DEFB1: variants seen among roughly 807,000 people sequenced by gnomAD.
DEFB1 encodes beta-defensin 1.
A neutral mutation model predicts 2.6 loss-of-function variants in DEFB1; 4 were observed. The observed-to-expected ratio is 1.53, with a 90% CI of 0.76 to 3.51. The LOEUF (loss-of-function observed/expected upper bound fraction) is 3.51. Among genes scored for constraint, DEFB1 ranks in the 30% most tolerant of loss-of-function variants. The pLI, the probability that DEFB1 is intolerant of heterozygous loss-of-function variation, is 0.01. For synonymous variants in DEFB1, 56 were observed against 28.5 expected (o/e 1.96, Z -3.07); for missense variants, 162 against 76.9 (o/e 2.11, Z -4.14).
chr8:6,877,849 A>G lies in DEFB1; in HGVS notation c.9T>C (p.Thr3=). Residue 3 remains threonine (T), a synonymous_variant, in exon 1 of 2, where the codon ACT becomes ACC. Transcript: ENST00000297439. MR[T]SYLLLFTLCL... ...AGAGAGTAAACAGCAGAAGGTAGGAAGTTCTCATGGCGACTGGCAGGCAAC... is the reference window on the plus strand; with the variant it reads ...AGAGAGTAAACAGCAGAAGGTAGGAGGTTCTCATGGCGACTGGCAGGCAAC... The G allele has an allele frequency of 2.5e-6, 4 of 1,614,018 alleles. No homozygotes were observed. The highest frequency in any genetic ancestry group is 3.4e-6 in the Non-Finnish European group (4 of 1,179,918).
chr8:6,870,702 C>G lies in DEFB1; in HGVS notation c.186G>C (p.Gly62=), dbSNP rs779725983. The G allele has an allele frequency of 2.2e-5, 35 of 1,614,062 alleles. No individual in the cohort carries two copies. Among genetic ancestry groups the G allele is most frequent in the Non-Finnish European group, 3.0e-5 (35 of 1,180,040 alleles). Residue 62 remains glycine, a synonymous_variant, in exon 2 of 2, where the codon GGG becomes GGC. Transcript: ENST00000297439. ...FTKIQGTCYR[G]KAKCCK ...CAGCTCACTTGCAGCACTTGGCCTT[C>G]CCTCTGTAACAGGTGCCTTGAATTT...
intron 1 of DEFB1, among the ~76,000 whole-genome samples, chr8:6,875,024 T>TG (rs1439737138): frequency 4.1e-5 from 6 of 146,778 alleles, no homozygotes; most frequent in Admixed American, 1.4e-4. Context: ...ATATTCATAT[T>TG]GGGGAAAAAA....
Position 6,870,825 on chromosome 8 carries a change from A to C in DEFB1, c.63T>G (p.Gly21=). 1.2e-6 allele frequency: 2 copies of C among 1,611,434 alleles called. No individual in the cohort carries two copies. The highest frequency in any genetic ancestry group is 1.7e-6 in the Non-Finnish European group (2 of 1,179,000). Residue 21 remains glycine (G), a splice_region_variant and synonymous_variant, in exon 2 of 2, where the codon GGT becomes GGG. Coordinates refer to ENST00000297439, the MANE Select transcript of DEFB1 (RefSeq NM_005218.4). ...GGCCAAGGCCTGTGAGAAAGTTACC[A>C]CCTGTAAGGAGGGAACACAAACACT... is the stretch of plus-strand genomic sequence containing the variant. The part of the protein sequence containing the change: ...LCLLLSEMAS[G]GNFLTGLGHR...
intron 1 of DEFB1, among the ~76,000 whole-genome samples, chr8:6,875,762 C>T (rs949721213): frequency 1.3e-5 from 2 of 152,150 alleles, no homozygotes; most frequent in Non-Finnish European, 2.9e-5. Context: ...TGCAACTTTT[C>T]AGCATGTAGA....
intron 1 of DEFB1, among the ~76,000 whole-genome samples, chr8:6,872,099 C>G (rs375883252): frequency 1.3e-5 from 2 of 152,160 alleles, no homozygotes; most frequent in African/African-American, 4.8e-5. Context: ...TCATTGTCCT[C>G]AATGCCTGGT....
intron 1 of DEFB1, among the ~76,000 whole-genome samples, chr8:6,876,087 G>A (rs1001497648): frequency 6.6e-6 from 1 of 152,130 alleles, no homozygotes; most frequent in African/African-American, 2.4e-5. Context: ...CTGCTACTCA[G>A]TAAAAACATA....
chr8:6,877,313 G>T (rs186917773), intron 1 of DEFB1, among the ~76,000 whole-genome samples: 1 of 152,194 alleles, frequency 6.6e-6, no homozygotes, highest in Admixed American at 6.5e-5. Context: ...GGAGAGGACC[G>T]CCTGCCTGCA....
At chr8:6,871,678 A>G (rs1394853202) in intron 1 of DEFB1, among the ~76,000 whole-genome samples, 2 of 152,216 alleles carry the variant, frequency 1.3e-5, no homozygotes, top group East Asian at 3.8e-4. Context: ...GCTCTGATCC[A>G]TAAGACTTGC....
At chr8:6,875,046 C>T (rs1254530099) in intron 1 of DEFB1, among the ~76,000 whole-genome samples, 10 of 139,130 alleles carry the variant, frequency 7.2e-5, no homozygotes, top group Admixed American at 6.5e-4. Context: ...GTAACTTGAC[C>T]GTTACTTCAT....
Position 6,877,846 on chromosome 8 carries a change from G to C in DEFB1, c.12C>G (p.Ser4=), listed in dbSNP as rs143580046. MRT[S]YLLLFTLCLL... ...AGCAGAGAGTAAACAGCAGAAGGTA[G>C]GAAGTTCTCATGGCGACTGGCAGGC... The change falls in exon 1 of 2, where the codon TCC becomes TCG. Residue 4 remains serine, a synonymous_variant. Transcript: ENST00000297439. The C allele has an allele frequency of 6.2e-7, 1 of 1,614,058 alleles. No individual in the cohort carries two copies. Among genetic ancestry groups the C allele is most frequent in the Non-Finnish European group, 8.5e-7 (1 of 1,179,950 alleles).
rs34773650 is a variant in DEFB1 at position 6,874,981 on chromosome 8, CAA to C, written c.61+2814_61+2815del. 9.8e-3 allele frequency among the ~76,000 whole-genome samples: 1,368 copies of C among 138,910 alleles called. 30 individuals are homozygous for C. Among genetic ancestry groups the C allele is most frequent in the African/African-American group, 0.034 (1,257 of 37,026 alleles). The allele number at this position is 138,910 out of a possible 152,430, so 91.1% of individuals were successfully genotyped here. Reference sequence around the variant, plus strand: ...TGGGTGACAGAGCGAGACTCAGTCTCAAAAAAAAAAAAAGTTGGTTCTGGACA... The same window carrying C: ...TGGGTGACAGAGCGAGACTCAGTCTCAAAAAAAAAAAGTTGGTTCTGGACA... On this transcript the variant is annotated intron_variant, in intron 1 of 1. Coordinates refer to ENST00000297439, the MANE Select transcript of DEFB1 (RefSeq NM_005218.4).
At chr8:6,873,642 G>C (rs552224547) in intron 1 of DEFB1, among the ~76,000 whole-genome samples, 1 of 152,128 alleles carries the variant, frequency 6.6e-6, no homozygotes, top group African/African-American at 2.4e-5. Flanking sequence ...GTTATAAGTG[G>C]GGGCTAAACA....
intron 1 of DEFB1, among the ~76,000 whole-genome samples, chr8:6,877,514 C>A (rs1386732545): frequency 1.3e-5 from 2 of 152,226 alleles, no homozygotes; most frequent in Non-Finnish European, 2.9e-5. Context: ...GCAATCTCAT[C>A]CACATAGGAT....
At chr8:6,870,895 G>C in intron 1 of DEFB1, 69 bp from the exon 2 acceptor site, 3 of 1,513,254 alleles carry the variant, frequency 2.0e-6, no homozygotes, top group Non-Finnish European at 2.7e-6. Flanking sequence ...AACATCTCGC[G>C]AAAGCAGAAC....
At chr8:6,875,359 T>C (rs187566955) in intron 1 of DEFB1, among the ~76,000 whole-genome samples, 1 of 152,244 alleles carries the variant, frequency 6.6e-6, no homozygotes, top group African/African-American at 2.4e-5. Flanking sequence ...GAGAAGATAT[T>C]TGTGATGTAT....
chr8:6,875,064 CCACACACACACACACACACACACACA>C (rs61101914), intron 1 of DEFB1, among the ~76,000 whole-genome samples: 1 of 135,636 alleles, frequency 7.4e-6, no homozygotes, highest in Non-Finnish European at 1.6e-5. Context: ...CATACCGAAG[CCACACACACACACACACACACACACA>C]CACACACACA....
At chr8:6,874,153 A>ACACACACG (rs1242593555) in intron 1 of DEFB1, among the ~76,000 whole-genome samples, 57 of 142,068 alleles carry the variant, frequency 4.0e-4, no homozygotes, top group African/African-American at 1.4e-3. Flanking sequence ...ACACGCACAC[A>ACACACACG]CACGCACATG....
At chr8:6,872,124 C>T (rs1168343999) in intron 1 of DEFB1, among the ~76,000 whole-genome samples, 1 of 152,136 alleles carries the variant, frequency 6.6e-6, no homozygotes, top group African/African-American at 2.4e-5. Flanking sequence ...GGTCCCTTCC[C>T]AAACCTCTTC....
At chr8:6,874,153 A>ACACACACACG (rs1242593555) in intron 1 of DEFB1, among the ~76,000 whole-genome samples, 2 of 141,934 alleles carry the variant, frequency 1.4e-5, no homozygotes, top group African/African-American at 5.1e-5. Flanking sequence ...ACACGCACAC[A>ACACACACACG]CACGCACATG....
Sources: allele counts gnomAD v4.1 joint callset (sites outside exome capture counted in the v4.1 genomes callset), GRCh38; gene constraint gnomAD v4.1.1; transcripts MANE v1.5; gene names NCBI Gene and HGNC (gene_info 2026-07-23, HGNC 2026-07-21).